TACC1: variants seen among roughly 807,000 people sequenced by gnomAD.
TACC1 encodes the protein transforming acidic coiled-coil containing protein 1.
A neutral mutation model predicts 84.4 loss-of-function variants in TACC1; 48 were observed. The ratio of observed to expected loss-of-function variants is 0.57; its 90% CI spans 0.45 to 0.72. TACC1 has a LOEUF of 0.72. Ranked by LOEUF, TACC1 falls within the 30% of genes least tolerant of loss-of-function variation. The pLI is 0.00. For synonymous variants in TACC1, 372 were observed against 376.3 expected, an observed-to-expected ratio of 0.99 and a Z score of 0.13; for missense variants, 920 against 973.0, an observed-to-expected ratio of 0.95 and a Z score of 0.72.
At chr8:38,741,998 A>T (rs1807168894) in intron 1 of TACC1, among the ~76,000 whole-genome samples, 1 of 152,254 alleles carries the variant, frequency 6.6e-6, no homozygotes, top group Admixed American at 6.5e-5. Context: ...GTTTATAAAC[A>T]CAAATGCTTT....
At position 38,842,153 on chromosome 8, in the gene TACC1, T is replaced by C. The variant is rs554666730; in HGVS notation, c.1961-134T>C. 6.3e-4 allele frequency: 630 copies of C among 1,002,394 alleles called. 6 individuals are homozygous for C. The South Asian group carries it at 9.5e-3, about 15-fold the overall frequency. 62.1% of individuals were successfully genotyped at this position (1,002,394 alleles called of 1,614,324 possible). On this transcript the variant is annotated intron_variant, in intron 9 of 12. Transcript: ENST00000317827. The stretch of plus-strand genomic sequence containing the variant: ...CTTGTTACCACGCGTCTCCCCCAAC[T>C]AGAGTATAAGCCATAAGAGCGGGAA...
intron 11 of TACC1, among the ~76,000 whole-genome samples, chr8:38,845,470 A>C (rs1832052603): frequency 6.6e-6 from 1 of 152,248 alleles, no homozygotes; most frequent in Non-Finnish European, 1.5e-5. Flanking sequence ...TATAAAAAAT[A>C]TTTACAATAT....
rs1817494469 is a variant in TACC1, at chr8:38,787,411, C to T, written c.-172C>T. 3.0e-6 allele frequency: 4 copies of T among 1,351,982 alleles called. No individual in the cohort carries two copies. The highest frequency in any genetic ancestry group is 7.9e-5 in the Admixed American group (2 of 25,268). The allele number at this position is 1,351,982 out of a possible 1,614,324, so 83.7% of individuals were successfully genotyped here. A position where few individuals can be genotyped will look rare whatever the true frequency, so the allele number is the denominator to read the frequency against. ...AGGAGGACGCAGCGCCGGCTGCCGG[C>T]GGGAGGAAGCGCTCCACCAGGGCCC... On this transcript the variant is annotated 5_prime_UTR_variant, in exon 1 of 13. Coordinates refer to ENST00000317827, the MANE Select transcript of TACC1 (RefSeq NM_006283.3).
At chr8:38,769,231 G>A (rs1490004231) in intron 3 of TACC1, among the ~76,000 whole-genome samples, 1 of 147,294 alleles carries the variant, frequency 6.8e-6, no homozygotes, top group African/African-American at 2.5e-5. Context: ...ATGTGTATGA[G>A]ACTGTGTATG....
At chr8:38,815,849 C>T (rs779081846) in intron 2 of TACC1, among the ~76,000 whole-genome samples, 14 of 151,108 alleles carry the variant, frequency 9.3e-5, no homozygotes, top group Non-Finnish European at 1.3e-4. Context: ...AAAACTAAGC[C>T]GGATGTGGTG....
Position 38,831,238 on chromosome 8 carries a change from G to A in TACC1, c.1713+61G>A. 5 of 1,556,090 alleles carry A rather than the reference G, an allele frequency of 3.2e-6. No homozygotes were observed. The South Asian group carries it at 4.5e-5, about 14-fold the overall frequency. ...GGTTTCTTTCAGTATTTGTTTTGAA[G>A]CCCATGTGAATTTGTTAAATTCTGG... On this transcript the variant is annotated intron_variant, in intron 6 of 12. Transcript: ENST00000317827.
chr8:38,735,872 C>T (rs1805862297), intron 1 of TACC1, among the ~76,000 whole-genome samples: 1 of 152,120 alleles, frequency 6.6e-6, no homozygotes, highest in South Asian at 2.1e-4. Flanking sequence ...GGAAGATGTC[C>T]CTGAAATTTA....
intron 2 of TACC1, among the ~76,000 whole-genome samples, chr8:38,796,527 T>C (rs1820029187): frequency 6.6e-6 from 1 of 152,230 alleles, no homozygotes; most frequent in African/African-American, 2.4e-5. Flanking sequence ...TTCTGAAGTA[T>C]GAAATGTATT....
rs756234004 is a variant in TACC1, at chr8:38,820,011, G to A, written c.767G>A (p.Gly256Asp). ...TCAGACACCAACGCTGCTGTGGAGG[G>A]CACACCTCTCCCCAAGGCATCCTAT... ...EFSDTNAAVE[G>D]TPLPKASYHF... The change falls in exon 3 of 13, where the codon GGC becomes GAC. Residue 256 changes from glycine to aspartate, a missense_variant. Transcript: ENST00000317827. The A allele has an allele frequency of 6.2e-7, 1 of 1,613,960 alleles. No individual in the cohort carries two copies. The highest frequency in any genetic ancestry group is 1.7e-5 in the Admixed American group (1 of 60,020).
intron 11 of TACC1, 141 bp from the exon 12 acceptor site, chr8:38,846,558 T>A (rs1832335649): frequency 2.1e-6 from 2 of 965,672 alleles, no homozygotes; most frequent in Non-Finnish European, 3.0e-6. Flanking sequence ...AGGTCACCGA[T>A]TTTTGTTTTT....
chr8:38,846,857 G>A (rs780019750), intron 12 of TACC1, 38 bp downstream of exon 12: 26 of 1,609,088 alleles, frequency 1.6e-5, no homozygotes, highest in Middle Eastern at 3.4e-4. Context: ...CCACAGAGAC[G>A]TTTGGTTTTC....
intron 6 of TACC1, among the ~76,000 whole-genome samples, chr8:38,831,822 T>TC (rs1214324747): frequency 1.3e-5 from 2 of 151,420 alleles, no homozygotes; most frequent in African/African-American, 4.9e-5. Context: ...TTTTTTTTTT[T>TC]TGAGACAGAG....
chr8:38,784,826 G>A (rs1172051669), upstream of TACC1, among the ~76,000 whole-genome samples: 1 of 152,204 alleles, frequency 6.6e-6, no homozygotes, highest in Non-Finnish European at 1.5e-5. Flanking sequence ...CCAAAGGGGG[G>A]TAAAGTCCCT....
At chr8:38,811,436 C>T (rs1268544244) in intron 2 of TACC1, among the ~76,000 whole-genome samples, 1 of 152,228 alleles carries the variant, frequency 6.6e-6, no homozygotes, top group Non-Finnish European at 1.5e-5. Flanking sequence ...ACTTCTCCTC[C>T]TGTTGTGGGA....
intron 11 of TACC1, among the ~76,000 whole-genome samples, chr8:38,843,944 T>C (rs1157326706): frequency 6.6e-6 from 1 of 152,208 alleles, no homozygotes; most frequent in Non-Finnish European, 1.5e-5. Context: ...AGAAAAGGAA[T>C]TGCTAGACCA....
intron 9 of TACC1, among the ~76,000 whole-genome samples, chr8:38,841,047 CA>C (rs1460673262): frequency 2.0e-5 from 3 of 151,998 alleles, no homozygotes; most frequent in Non-Finnish European, 4.4e-5. Flanking sequence ...AATTCCATCT[CA>C]AAAAATAAAT....
chr8:38,842,174 G>C, intron 9 of TACC1, 113 bp from the exon 10 acceptor site: 2 of 1,226,454 alleles, frequency 1.6e-6, no homozygotes, highest in Non-Finnish European at 2.3e-6. Context: ...CCATAAGAGC[G>C]GGAATTTGGT....
At chr8:38,736,720 C>T (rs1806034367) in intron 1 of TACC1, among the ~76,000 whole-genome samples, 1 of 152,150 alleles carries the variant, frequency 6.6e-6, no homozygotes. Flanking sequence ...GAGAGAGGCA[C>T]ATCAGAGTTC....
At chr8:38,803,828 T>A (rs1822009823) in intron 2 of TACC1, among the ~76,000 whole-genome samples, 1 of 152,190 alleles carries the variant, frequency 6.6e-6, no homozygotes, top group Admixed American at 6.5e-5. Context: ...TTTGGAAAAG[T>A]TTACAAGCAA....
Sources: allele counts gnomAD v4.1 joint callset (sites outside exome capture counted in the v4.1 genomes callset), GRCh38; gene constraint gnomAD v4.1.1; transcripts MANE v1.5; gene names NCBI Gene and HGNC (gene_info 2026-07-23, HGNC 2026-07-21).